The following CDC27 variants were observed in gnomAD, a reference collection of about 807,000 sequenced individuals.
CDC27 encodes the protein cell division cycle 27, also known as cell division cycle protein 27 homolog.
Under a neutral mutation model 109.7 loss-of-function variants are expected in CDC27, and 27 were observed. The observed-to-expected ratio is 0.25, with a 90% CI of 0.18 to 0.34. CDC27 has a LOEUF of 0.34. Among genes scored for constraint, CDC27 ranks in the 10% least tolerant of loss-of-function variants. The pLI is 1.00. For missense variants in CDC27, 579 were observed against 960.2 expected, an observed-to-expected ratio of 0.60 and a Z score of 5.25; for synonymous variants, 266 against 333.9, an observed-to-expected ratio of 0.80 and a Z score of 2.22.
At chr17:47,186,647 G>A (rs1342053672) in intron 1 of CDC27, among the ~76,000 whole-genome samples, 2 of 152,084 alleles carry the variant, frequency 1.3e-5, no homozygotes, top group Admixed American at 1.3e-4. Flanking sequence ...TGAGACTTTT[G>A]TAAGGACTCA....
chr17:47,142,868 A>C (rs2062839519), intron 10 of CDC27, among the ~76,000 whole-genome samples: 1 of 152,074 alleles, frequency 6.6e-6, no homozygotes, highest in African/African-American at 2.4e-5. Context: ...AAGAGACTGG[A>C]TTTCTCCACG....
At chr17:47,133,746 C>A (rs956060146) in intron 14 of CDC27, among the ~76,000 whole-genome samples, 2 of 151,602 alleles carry the variant, frequency 1.3e-5, no homozygotes, top group African/African-American at 2.4e-5. Flanking sequence ...ACCTGGCCTA[C>A]ATATATTTTT....
rs2063818521 is a variant in CDC27, at chr17:47,171,780, T to G, written c.251+137A>C. 5 of 606,722 alleles carry G rather than the reference T, an allele frequency of 8.2e-6. No individual in the cohort carries two copies. In the East Asian group the frequency reaches 1.2e-4, roughly 15 times the overall value. 37.6% of individuals were successfully genotyped at this position (606,722 alleles called of 1,614,324 possible). On this transcript the variant is annotated intron_variant, in intron 3 of 18. Transcript: ENST00000066544. ...ATATAAATAATGCCATAGGCAACAGTGTAAACATTTCGAATGTTACTGAAA... is the reference window on the plus strand; with the variant it reads ...ATATAAATAATGCCATAGGCAACAGGGTAAACATTTCGAATGTTACTGAAA...
intron 2 of CDC27, among the ~76,000 whole-genome samples, chr17:47,173,819 G>A (rs964943567): frequency 2.6e-5 from 4 of 152,222 alleles, no homozygotes; most frequent in East Asian, 1.9e-4. Context: ...CTGGCCAGGC[G>A]TGGTGGCTCA....
chr17:47,127,741 G>A (rs994325689), intron 16 of CDC27, among the ~76,000 whole-genome samples: 3 of 150,336 alleles, frequency 2.0e-5, no homozygotes, highest in African/African-American at 7.3e-5. Flanking sequence ...CTAGCTTTGT[G>A]GCCCAGGCTG....
chr17:47,127,763 C>T (rs776278848), intron 16 of CDC27, among the ~76,000 whole-genome samples: 2 of 151,560 alleles, frequency 1.3e-5, no homozygotes, highest in African/African-American at 2.4e-5. Flanking sequence ...AGTGCAGTGG[C>T]GCGAAAACAG....
rs765423924 is a variant in CDC27 at position 47,154,652 on chromosome 17, G to A, written c.957+20C>T. 5 of 1,278,868 alleles carry A rather than the reference G, an allele frequency of 3.9e-6. No homozygotes were observed. The highest frequency in any genetic ancestry group is 1.5e-5 in the African/African-American group (1 of 67,840). The allele number at this position is 1,278,868 out of a possible 1,614,324, so 79.2% of individuals were successfully genotyped here. On this transcript the variant is annotated intron_variant, in intron 8 of 18. Coordinates refer to ENST00000066544, the MANE Select transcript of CDC27 (RefSeq NM_001256.6). ...AGTTGCTTTAATCAATTCCCAAACT[G>A]CATTTTACATGGAAAATACCTTTTT...
chr17:47,133,806 T>C (rs2062476984), intron 14 of CDC27, among the ~76,000 whole-genome samples: 2 of 152,010 alleles, frequency 1.3e-5, no homozygotes, highest in African/African-American at 4.8e-5. Flanking sequence ...TGGAGTGCAG[T>C]GGTGCAATCT....
At chr17:47,133,072 CACACACACACACAA>C (rs1395462501) in intron 14 of CDC27, among the ~76,000 whole-genome samples, 14 of 81,230 alleles carry the variant, frequency 1.7e-4, no homozygotes, top group Admixed American at 9.0e-4. Context: ...TACACACACA[CACACACACACACAA>C]ACACACACAC....
Position 47,120,361 on chromosome 17 carries a change from C to T in CDC27, c.*574G>A, listed in dbSNP as rs2148779742. 1 of 152,894 alleles carries T rather than the reference C, an allele frequency of 6.5e-6. No individual in the cohort carries two copies. Among genetic ancestry groups the T allele is most frequent in the East Asian group, 1.9e-4 (1 of 5,178 alleles). 9.5% of individuals were successfully genotyped at this position (152,894 alleles called of 1,614,324 possible). On this transcript the variant is annotated 3_prime_UTR_variant, in exon 19 of 19. Transcript: ENST00000066544. ...GGATATTTGATTCCTACATACGAGT[C>T]CCAATATGCCCATTACATTTGTTTA...
intron 13 of CDC27, among the ~76,000 whole-genome samples, chr17:47,138,215 T>C (rs1222410844): frequency 6.6e-6 from 1 of 152,144 alleles, no homozygotes; most frequent in Non-Finnish European, 1.5e-5. Flanking sequence ...CCCAGGAACA[T>C]TGGTTCAGTA....
At chr17:47,121,386 C>T (rs2061978416) in intron 18 of CDC27, among the ~76,000 whole-genome samples, 1 of 152,116 alleles carries the variant, frequency 6.6e-6, no homozygotes, top group African/African-American at 2.4e-5. Context: ...TGCTAGTCCA[C>T]AGAAACACAG....
At chr17:47,121,190 T>A (rs879719011) in intron 18 of CDC27, among the ~76,000 whole-genome samples, 173 bp from the exon 19 acceptor site, 4 of 152,198 alleles carry the variant, frequency 2.6e-5, no homozygotes, top group Non-Finnish European at 5.9e-5. Context: ...CCTAACTTTA[T>A]AATAGGTCTG....
intron 4 of CDC27, among the ~76,000 whole-genome samples, chr17:47,167,774 G>A (rs2148954832): frequency 6.6e-6 from 1 of 152,240 alleles, no homozygotes; most frequent in East Asian, 1.9e-4. Flanking sequence ...ATTCAATTCT[G>A]ATACCATCTA....
chr17:47,148,198 CAA>C (rs745397103), intron 9 of CDC27, among the ~76,000 whole-genome samples: 17 of 89,002 alleles, frequency 1.9e-4, no homozygotes, highest in Admixed American at 2.6e-4. Context: ...GACTCTATCT[CAA>C]AAAAAAAAAA....
At chr17:47,148,015 T>C (rs1461489844) in intron 9 of CDC27, among the ~76,000 whole-genome samples, 1 of 149,220 alleles carries the variant, frequency 6.7e-6, no homozygotes, top group Non-Finnish European at 1.5e-5. Flanking sequence ...CTGACCAACA[T>C]GGTGAAACCC....
chr17:47,154,560 T>C (rs999332987), intron 8 of CDC27, 112 bp downstream of exon 8: 1 of 605,260 alleles, frequency 1.7e-6, no homozygotes, highest in African/African-American at 1.9e-5. Context: ...GGTTCAAATA[T>C]AAGGCAAAAG....
chr17:47,154,088 C>CAAAAAA (rs536543231), intron 8 of CDC27, among the ~76,000 whole-genome samples: 1 of 70,674 alleles, frequency 1.4e-5, no homozygotes, highest in African/African-American at 5.9e-5. Context: ...GACCCTGTCT[C>CAAAAAA]AAAAAAAAAA....
At chr17:47,145,128 A>G (rs146808547) in intron 9 of CDC27, among the ~76,000 whole-genome samples, 126 of 152,334 alleles carry the variant, frequency 8.3e-4, no homozygotes, top group African/African-American at 2.9e-3. Flanking sequence ...CCCATTTCAG[A>G]TAACTACAAA....
Sources: gnomAD v4.1 joint callset for allele counts (sites outside exome capture counted in the v4.1 genomes callset) on GRCh38, gnomAD v4.1.1 for gene constraint, MANE v1.5 for transcripts, NCBI Gene and HGNC (gene_info 2026-07-23, HGNC 2026-07-21) for gene names.